Variants in OTULIN observed in about 807,000 individuals in gnomAD.
OTULIN encodes ubiquitin thioesterase otulin.
A neutral mutation model predicts 39.6 loss-of-function variants in OTULIN; 15 were observed. That is an observed-to-expected ratio of 0.38 (90% CI 0.25 to 0.58). The LOEUF (loss-of-function observed/expected upper bound fraction) is 0.58. Among genes scored for constraint, OTULIN ranks in the 20% least tolerant of loss-of-function variants. OTULIN has a pLI of 0.66. For synonymous variants in OTULIN, 156 were observed against 170.3 expected (o/e 0.92, Z 0.65); for missense variants, 319 against 445.9 (o/e 0.72, Z 2.56).
At chr5:14,683,861 C>G (rs1579971475) in intron 4 of OTULIN, among the ~76,000 whole-genome samples, 1 of 152,032 alleles carries the variant, frequency 6.6e-6, no homozygotes, top group South Asian at 2.1e-4. Flanking sequence ...AAGTTAAGTA[C>G]AATGTCTCCC....
chr5:14,672,082 AG>A (rs1735993099), intron 1 of OTULIN, among the ~76,000 whole-genome samples: 2 of 152,310 alleles, frequency 1.3e-5, no homozygotes, highest in South Asian at 4.1e-4. Context: ...CTCTGCATGC[AG>A]AGGGCTTACC....
intron 2 of OTULIN, among the ~76,000 whole-genome samples, chr5:14,677,586 A>G (rs554309775): frequency 2.0e-5 from 3 of 152,252 alleles, no homozygotes; most frequent in African/African-American, 7.2e-5. Flanking sequence ...CCCAAACCAT[A>G]TATATTAAAC....
chr5:14,711,139 T>C, the OTULIN span: 1 of 1,379,610 alleles, frequency 7.2e-7, no homozygotes, highest in Non-Finnish European at 1.0e-6. Flanking sequence ...AGGGAAGAGA[T>C]GATGCCGAAG....
chr5:14,714,329 G>A, the OTULIN span, among the ~76,000 whole-genome samples: 1,334 of 152,346 alleles, frequency 8.8e-3, 20 homozygotes, highest in African/African-American at 0.031. Context: ...GCCATGGGTG[G>A]ACAGCGGGGA....
rs36111454 is a variant in OTULIN at position 14,692,985 on chromosome 5, C to G, written c.996C>G (p.Leu332=). ...DPPKDWPVVT[L]IAEDDRHYNI... is the part of the protein sequence containing the mutation. ...CCAAGGACTGGCCAGTGGTAACGCT[C>G]ATTGCTGAGGACGATCGGCACTATA... The change falls in exon 7 of 7, where the codon CTC becomes CTG. Residue 332 remains leucine, a synonymous_variant. Transcript: ENST00000284274. 8.9e-4 allele frequency: 1,431 copies of G among 1,614,170 alleles called. 7 individuals are homozygous for G. In the African/African-American group the frequency reaches 0.016, roughly 18 times the overall value.
Position 14,697,805 on chromosome 5 carries a change from C to T in OTULIN, c.*4757C>T, listed in dbSNP as rs39609. 6,503 of 152,206 alleles carry T rather than the reference C, an allele frequency of 0.043. 190 individuals are homozygous for T. The highest frequency in any genetic ancestry group is 0.085 in the Admixed American group (1,294 of 15,300). The allele number at this position is 152,206 out of a possible 1,614,324, so 9.4% of individuals were successfully genotyped here. On this transcript the variant is annotated 3_prime_UTR_variant, in exon 7 of 7. Coordinates refer to ENST00000284274, the MANE Select transcript of OTULIN (RefSeq NM_138348.6). The stretch of plus-strand genomic sequence containing the variant: ...GAAACTGCCAAAACATCGATCAGTA[C>T]AAGGAAGGGACACAGGGCTTAAAAT...
the OTULIN span, chr5:14,706,247 C>T: frequency 6.6e-6 from 1 of 152,188 alleles, no homozygotes; most frequent in Non-Finnish European, 1.5e-5. Context: ...CTATGTGTAG[C>T]TGACAGCCAC....
chr5:14,686,639 T>C (rs1736394860), intron 4 of OTULIN, among the ~76,000 whole-genome samples: 1 of 152,162 alleles, frequency 6.6e-6, no homozygotes, highest in South Asian at 2.1e-4. Flanking sequence ...TTTCTAAATT[T>C]TATAGCAGTG....
the OTULIN span, among the ~76,000 whole-genome samples, chr5:14,711,477 T>G: frequency 6.6e-6 from 1 of 152,186 alleles, no homozygotes; most frequent in Admixed American, 6.5e-5. Context: ...CTCAGTGTGT[T>G]CCTTGCAGTT....
In OTULIN at chr5:14,692,880, T is replaced by C. The variant is rs745705194; in HGVS notation, c.891T>C (p.Ala297=). The part of the protein sequence containing the change: ...EQVEMFLLAY[A]VRHTIQVYRL... Reference sequence around the variant, plus strand: ...TTGAAATGTTCCTTCTTGCCTATGCTGTGCGCCACACCATCCAGGTGTACC... The same window carrying C: ...TTGAAATGTTCCTTCTTGCCTATGCCGTGCGCCACACCATCCAGGTGTACC... The change falls in exon 7 of 7, where the codon GCT becomes GCC. Residue 297 remains alanine (A), a synonymous_variant. Transcript: ENST00000284274. 3.7e-6 allele frequency: 6 copies of C among 1,614,058 alleles called. No individual in the cohort carries two copies. The East Asian group carries it at 1.3e-4, about 36-fold the overall frequency.
rs1479215033 is a variant in OTULIN, at chr5:14,690,392, G to A, written c.864+84G>A. The A allele has an allele frequency of 1.3e-6, 2 of 1,495,300 alleles. No individual in the cohort carries two copies. Among genetic ancestry groups the A allele is most frequent in the Non-Finnish European group, 1.8e-6 (2 of 1,108,008 alleles). 92.6% of individuals were successfully genotyped at this position (1,495,300 alleles called of 1,614,324 possible). A position where few individuals can be genotyped will look rare whatever the true frequency, so the allele number is the denominator to read the frequency against. On this transcript the variant is annotated intron_variant, in intron 6 of 6. Transcript: ENST00000284274. This position sits in a 1 kb window ranked among gnomAD's most constrained non-coding sequence, Gnocchi z 4.5. ...TTGATGTCACAGTTTTTGTAGGTCA[G>A]AAATTCAGGGACAGCTTAGTTGGAT... is the stretch of plus-strand genomic sequence containing the variant.
At chr5:14,683,363 A>C (rs1269955854) in intron 4 of OTULIN, among the ~76,000 whole-genome samples, 1 of 152,258 alleles carries the variant, frequency 6.6e-6, no homozygotes, top group Non-Finnish European at 1.5e-5. Context: ...TCTTTCATAT[A>C]GAGGCAAGAG....
chr5:14,672,591 T>G (rs933354228), intron 1 of OTULIN, among the ~76,000 whole-genome samples: 1 of 151,378 alleles, frequency 6.6e-6, no homozygotes, highest in Non-Finnish European at 1.5e-5. Context: ...GAGGCAGGAG[T>G]ATGGGGAATC....
downstream of OTULIN, among the ~76,000 whole-genome samples, chr5:14,701,136 T>C (rs1736788304): frequency 6.6e-6 from 1 of 152,212 alleles, no homozygotes; most frequent in African/African-American, 2.4e-5. Flanking sequence ...TTCAGGAATC[T>C]TTGAGGCCCC....
At chr5:14,703,324 CAAA>C (rs59779015), downstream of OTULIN, among the ~76,000 whole-genome samples, 18 of 122,078 alleles carry the variant, frequency 1.5e-4, no homozygotes, top group Non-Finnish European at 2.0e-4. Flanking sequence ...TTAATAGTGT[CAAA>C]AAAAAAAAAA....
At chr5:14,709,821 A>G in the OTULIN span, 1 of 152,664 alleles carries the variant, frequency 6.6e-6, no homozygotes, top group Admixed American at 6.5e-5. Flanking sequence ...ACCGTATTGT[A>G]TTAGAGACAT....
rs76396401 is a variant in OTULIN at position 14,683,896 on chromosome 5, A to G, written c.468+2289A>G. Among the ~76,000 whole-genome samples the G allele has an allele frequency of 4.4e-3, 673 of 152,214 alleles. 6 individuals are homozygous for G. Among genetic ancestry groups the G allele is most frequent in the African/African-American group, 0.014 (587 of 41,522 alleles). ...CCCCCTTTTTTTTTGCTAGCAGGAT[A>G]TATTGGGTAAGATTATCTGCCATAT... On this transcript the variant is annotated intron_variant, in intron 4 of 6. Coordinates refer to ENST00000284274, the MANE Select transcript of OTULIN (RefSeq NM_138348.6).
chr5:14,715,448 CATT>C, the OTULIN span, among the ~76,000 whole-genome samples: 33 of 152,330 alleles, frequency 2.2e-4, no homozygotes, highest in African/African-American at 7.9e-4. Flanking sequence ...CCTTTCTTAA[CATT>C]GTGGCTTTGT....
At chr5:14,715,925 C>T in the OTULIN span, among the ~76,000 whole-genome samples, 7 of 152,380 alleles carry the variant, frequency 4.6e-5, no homozygotes, top group East Asian at 1.2e-3. Context: ...TCAGGTTCCC[C>T]TGGAGTCTTC....
Sources: gnomAD v4.1 joint callset for allele counts (sites outside exome capture counted in the v4.1 genomes callset) on GRCh38, gnomAD v4.1.1 for gene constraint, Gnocchi (gnomAD v3.1) non-coding constraint, MANE v1.5 for transcripts, NCBI Gene and HGNC (gene_info 2026-07-23, HGNC 2026-07-21) for gene names.